AUTS2: variants seen among roughly 807,000 people sequenced by gnomAD.
AUTS2 encodes activator of transcription and developmental regulator AUTS2, also known as autism susceptibility gene 2 protein.
AUTS2 carries 17 observed loss-of-function variants against 112.4 expected under a neutral mutation model. The ratio of observed to expected loss-of-function variants is 0.15; its 90% CI spans 0.10 to 0.23. AUTS2 has a LOEUF of 0.23. Ranked by LOEUF, AUTS2 falls within the 10% of genes least tolerant of loss-of-function variation. The pLI is 1.00. For missense variants in AUTS2, 1,510 were observed against 1,701.6 expected (o/e 0.89, Z 1.98); for synonymous variants, 751 against 702.7 (o/e 1.07, Z -1.09).
intron 1 of AUTS2, among the ~76,000 whole-genome samples, chr7:69,890,046 C>T (rs963964955): frequency 2.0e-5 from 3 of 151,930 alleles, no homozygotes; most frequent in Non-Finnish European, 4.4e-5. Context: ...GTTTCCTTTT[C>T]GTCATGCTGT....
intron 2 of AUTS2, among the ~76,000 whole-genome samples, chr7:70,011,978 T>C (rs540648743): frequency 2.0e-5 from 3 of 152,272 alleles, no homozygotes; most frequent in Admixed American, 1.3e-4. Context: ...GTTTTTTCAC[T>C]GTGAGGTGGG....
At chr7:70,415,151 CT>C (rs1220452361) in intron 4 of AUTS2, among the ~76,000 whole-genome samples, 2 of 152,232 alleles carry the variant, frequency 1.3e-5, no homozygotes, top group African/African-American at 4.8e-5. Flanking sequence ...TTCTCATAGC[CT>C]TTCTCTGGCC....
intron 2 of AUTS2, among the ~76,000 whole-genome samples, chr7:69,970,744 T>A (rs1275143927): frequency 1.3e-5 from 2 of 152,192 alleles, no homozygotes; most frequent in Non-Finnish European, 2.9e-5. Flanking sequence ...CCCTTGACCT[T>A]GTATATACAT....
At chr7:70,600,527 C>T (rs1016145689) in intron 5 of AUTS2, among the ~76,000 whole-genome samples, 8 of 152,228 alleles carry the variant, frequency 5.3e-5, no homozygotes, top group African/African-American at 1.9e-4. Flanking sequence ...CTGCCCACCT[C>T]AGCCTCCCAA....
intron 1 of AUTS2, among the ~76,000 whole-genome samples, chr7:69,717,503 T>C (rs916166517): frequency 1.3e-5 from 2 of 152,182 alleles, no homozygotes; most frequent in Admixed American, 1.3e-4. Flanking sequence ...TGACCATAAC[T>C]CTTAGGGGAA....
At chr7:70,686,557 GAC>G (rs1458896651) in intron 5 of AUTS2, among the ~76,000 whole-genome samples, 2 of 151,910 alleles carry the variant, frequency 1.3e-5, no homozygotes, top group African/African-American at 4.8e-5. Context: ...TGTTTTTGGA[GAC>G]AGAGTCTTGC....
intron 4 of AUTS2, among the ~76,000 whole-genome samples, chr7:70,387,758 C>T (rs1226712721): frequency 1.3e-5 from 2 of 152,190 alleles, no homozygotes; most frequent in East Asian, 3.9e-4. Flanking sequence ...TGTATTTCTT[C>T]ATCCATCGTC....
intron 1 of AUTS2, among the ~76,000 whole-genome samples, chr7:69,853,796 C>T (rs1309856307): frequency 1.3e-5 from 2 of 152,082 alleles, no homozygotes. Flanking sequence ...AAAAGTACAT[C>T]TGTTCCATCT....
intron 5 of AUTS2, among the ~76,000 whole-genome samples, chr7:70,509,048 A>G (rs1799081350): frequency 6.6e-6 from 1 of 152,116 alleles, no homozygotes; most frequent in East Asian, 1.9e-4. Context: ...GACTCTTGAG[A>G]TCTAGTCTTC....
chr7:70,765,474 T>C (rs1418752766), intron 8 of AUTS2, among the ~76,000 whole-genome samples: 2 of 152,106 alleles, frequency 1.3e-5, no homozygotes, highest in Non-Finnish European at 2.9e-5. Flanking sequence ...TGTGACAATA[T>C]ATCCCAGAAT....
chr7:69,935,671 G>A (rs553890871), intron 2 of AUTS2, among the ~76,000 whole-genome samples: 24 of 152,214 alleles, frequency 1.6e-4, no homozygotes, highest in Admixed American at 2.0e-4. Flanking sequence ...GGGAAACAGG[G>A]AAGGTAGATT....
chr7:70,785,161 CT>C, intron 16 of AUTS2, 142 bp downstream of exon 16: 1 of 789,448 alleles, frequency 1.3e-6, no homozygotes. Context: ...ATGGTGCTCT[CT>C]TAGGAGTTTC....
chr7:70,182,692 C>T (rs1809382048), intron 4 of AUTS2, among the ~76,000 whole-genome samples: 1 of 151,906 alleles, frequency 6.6e-6, no homozygotes. Context: ...AGCTTACTAA[C>T]CGAGCAACCA....
intron 5 of AUTS2, among the ~76,000 whole-genome samples, chr7:70,497,540 G>A (rs1798606010): frequency 1.3e-5 from 2 of 152,284 alleles, no homozygotes; most frequent in South Asian, 4.1e-4. Context: ...GCTTTATCTT[G>A]GAGAATAATA....
chr7:70,228,805 G>A (rs1296453367), intron 4 of AUTS2, among the ~76,000 whole-genome samples: 2 of 151,832 alleles, frequency 1.3e-5, no homozygotes, highest in East Asian at 1.9e-4. Context: ...ATGCAGTATT[G>A]TAATTATTGC....
intron 1 of AUTS2, among the ~76,000 whole-genome samples, chr7:69,621,185 G>A (rs866429190): frequency 9.9e-5 from 15 of 152,232 alleles, no homozygotes; most frequent in Non-Finnish European, 1.0e-4. Flanking sequence ...TTTGATTCCT[G>A]TTTTAAAGGA....
At chr7:70,650,027 A>T (rs1806411611) in intron 5 of AUTS2, among the ~76,000 whole-genome samples, 1 of 152,140 alleles carries the variant, frequency 6.6e-6, no homozygotes, top group Non-Finnish European at 1.5e-5. Context: ...GGACTGGTTA[A>T]GTATTTTGGG....
intron 2 of AUTS2, among the ~76,000 whole-genome samples, chr7:69,947,238 G>T (rs929694498): frequency 1.3e-5 from 2 of 152,120 alleles, no homozygotes; most frequent in African/African-American, 4.8e-5. Flanking sequence ...TGTGTGCAAG[G>T]CTTGGAGGGA....
At chr7:69,992,012 A>G (rs1240603272) in intron 2 of AUTS2, among the ~76,000 whole-genome samples, 1 of 152,212 alleles carries the variant, frequency 6.6e-6, no homozygotes, top group Admixed American at 6.5e-5. Context: ...AATGGAAAAG[A>G]TTCAATTAGG....
Sources: gnomAD v4.1 joint callset for allele counts (sites outside exome capture counted in the v4.1 genomes callset) on GRCh38, gnomAD v4.1.1 for gene constraint, MANE v1.5 for transcripts, NCBI Gene and HGNC (gene_info 2026-07-23, HGNC 2026-07-21) for gene names.